MPG: variants seen among roughly 807,000 people sequenced by gnomAD.
MPG encodes the protein N-methylpurine DNA glycosylase.
MPG carries 33 observed loss-of-function variants against 31.7 expected under a neutral mutation model. The observed-to-expected ratio is 1.04, with a 90% confidence interval of 0.79 to 1.39. The LOEUF is 1.39. MPG is among the 40% of genes most tolerant of loss of function. The probability of loss-of-function intolerance (pLI) is 0.00; values close to 1 mark genes in which losing one functional copy is unlikely to be tolerated. For missense variants in MPG, 455 were observed against 415.5 expected, an observed-to-expected ratio of 1.10 and a Z score of -0.83; for synonymous variants, 202 against 169.2, an observed-to-expected ratio of 1.19 and a Z score of -1.51.
At chr16:79,031 A>G in intron 1 of MPG, 2 of 1,423,352 alleles carry the variant, frequency 1.4e-6, no homozygotes, top group Non-Finnish European at 9.2e-7. Context: ...ATGAAAGGGC[A>G]GGGCTCCAGA....
In MPG at chr16:85,569, G is replaced by A. The variant is rs1898418864; in HGVS notation, c.674G>A (p.Ser225Asn). Residue 225 changes from serine to asparagine, a missense_variant, in exon 4 of 4, where the codon AGC becomes AAC. By Grantham distance (46) the Ser-to-Asn change is conservative. Coordinates refer to ENST00000356432, the MANE Select transcript of MPG (RefSeq NM_001015052.3). ...TGCCAGGCCCTGGCCATCAACAAGA[G>A]CTTTGACCAGAGGGACCTGGCACAG... ...KLCQALAINK[S>N]FDQRDLAQDE... 4 of 1,613,246 alleles carry A rather than the reference G, an allele frequency of 2.5e-6. No individual in the cohort carries two copies. The highest frequency in any genetic ancestry group is 2.5e-6 in the Non-Finnish European group (3 of 1,179,914).
intron 1 of MPG, chr16:79,104 G>C (rs1371544289): frequency 5.5e-5 from 81 of 1,460,456 alleles, no homozygotes; most frequent in Non-Finnish European, 6.7e-5. Context: ...CACCAGCCCT[G>C]CTGTCCCAGG....
chr16:79,687 C>A lies in MPG; in HGVS notation c.287C>A (p.Ala96Glu), dbSNP rs1307996142. The change falls in exon 2 of 4, where the codon GCA (alanine) becomes GAA (glutamate). Residue 96 changes from alanine (A) to glutamate (E), a missense_variant. Transcript: ENST00000356432. ...FDQPAVPLAR[A>E]FLGQVLVRRL... ...CAGCCGGCAGTCCCCCTGGCCCGGGCATTTCTGGGACAGGTAATGTGAACA... is the reference window on the plus strand; with the variant it reads ...CAGCCGGCAGTCCCCCTGGCCCGGGAATTTCTGGGACAGGTAATGTGAACA... 1 of 1,559,976 alleles carries A rather than the reference C, an allele frequency of 6.4e-7. No individual in the cohort carries two copies. Among genetic ancestry groups the A allele is most frequent in the East Asian group, 2.4e-5 (1 of 41,684 alleles).
At position 83,935 on chromosome 16, in the gene MPG, G is replaced by A. The variant is rs532132388; in HGVS notation, c.505+679G>A. 8.5e-5 allele frequency among the ~76,000 whole-genome samples: 13 copies of A among 152,162 alleles called. No individual in the cohort carries two copies. The South Asian group carries it at 2.7e-3, about 32-fold the overall frequency. ...GGATGGAGCAGTGGGCACAGCAGGGGGACTTAGGGTCGGCGGAGGAGTCGG... is the reference window on the plus strand; with the variant it reads ...GGATGGAGCAGTGGGCACAGCAGGGAGACTTAGGGTCGGCGGAGGAGTCGG... On this transcript the variant is annotated intron_variant, in intron 3 of 3. Coordinates refer to ENST00000356432, the MANE Select transcript of MPG (RefSeq NM_001015052.3).
Position 78,240 on chromosome 16 carries a change from T to A in MPG, c.-70T>A. 7.4e-6 allele frequency: 10 copies of A among 1,349,636 alleles called. No individual in the cohort carries two copies. Among genetic ancestry groups the A allele is most frequent in the Non-Finnish European group, 9.6e-6 (10 of 1,041,554 alleles). 83.6% of individuals were successfully genotyped at this position (1,349,636 alleles called of 1,614,324 possible). ...GCTCCGCCCCGGTCCTAGGGGTGCT[T>A]CCGTGGTCGGCGGCTGCTGGGCTCC... On this transcript the variant is annotated 5_prime_UTR_variant, in exon 1 of 4. Coordinates refer to ENST00000356432, the MANE Select transcript of MPG (RefSeq NM_001015052.3).
intron 2 of MPG, 67 bp from the exon 3 acceptor site, chr16:82,985 C>T: frequency 7.1e-7 from 1 of 1,404,790 alleles, no homozygotes; most frequent in Non-Finnish European, 9.7e-7. Context: ...GAGGTCCAGG[C>T]TGGGCACTGT....
chr16:83,399 C>T (rs763548263), intron 3 of MPG, 143 bp downstream of exon 3: 3 of 853,340 alleles, frequency 3.5e-6, no homozygotes. Context: ...GTTTCGGGAG[C>T]TCTGGCTACG....
chr16:77,515 C>T (rs1319308261), upstream of MPG, among the ~76,000 whole-genome samples: 1 of 152,230 alleles, frequency 6.6e-6, no homozygotes, highest in African/African-American at 2.4e-5. Flanking sequence ...GTGTTCAGCC[C>T]TGGTCTGGCC....
intron 3 of MPG, among the ~76,000 whole-genome samples, chr16:84,873 A>G (rs1898377281): frequency 2.0e-5 from 3 of 152,180 alleles, no homozygotes; most frequent in Non-Finnish European, 4.4e-5. Flanking sequence ...AGCCCCCACC[A>G]CTTGACCAAC....
intron 1 of MPG, among the ~76,000 whole-genome samples, 160 bp downstream of exon 1, chr16:78,493 G>A (rs1411707333): frequency 1.3e-5 from 2 of 152,146 alleles, no homozygotes; most frequent in African/African-American, 2.4e-5. Context: ...CCAAGCTCGG[G>A]CCGAGAGCAG....
At chr16:77,711 A>C (rs1012534269), upstream of MPG, among the ~76,000 whole-genome samples, 2 of 152,084 alleles carry the variant, frequency 1.3e-5, no homozygotes, top group African/African-American at 4.8e-5. Flanking sequence ...GGGCCTCCGC[A>C]CAAGCCTGGC....
upstream of MPG, chr16:78,081 C>T: frequency 3.1e-6 from 1 of 322,232 alleles, no homozygotes; most frequent in South Asian, 1.3e-4. Context: ...GCCCGGGAAT[C>T]GGTCCGGACC....
Position 79,504 on chromosome 16 carries a change from C to A in MPG, c.104C>A (p.Ala35Glu). 1.2e-6 allele frequency: 2 copies of A among 1,612,748 alleles called. No individual in the cohort carries two copies. Among genetic ancestry groups the A allele is most frequent in the East Asian group, 4.5e-5 (2 of 44,872 alleles). ...CACAGCTCGTCCGACGCAGCCCAGG[C>A]ACCTGCAGAGCAGCCACACAGCTCG... is the stretch of plus-strand genomic sequence containing the variant. ...QPHSSSDAAQ[A>E]PAEQPHSSSD... The change falls in exon 2 of 4, where the codon GCA becomes GAA. Residue 35 changes from alanine (A) to glutamate (E), a missense_variant. By Grantham distance (107) the Ala-to-Glu change is moderately radical. Coordinates refer to ENST00000356432, the MANE Select transcript of MPG (RefSeq NM_001015052.3).
chr16:77,301 C>A (rs1204346321), upstream of MPG, among the ~76,000 whole-genome samples: 2 of 152,152 alleles, frequency 1.3e-5, no homozygotes, highest in Non-Finnish European at 2.9e-5. Flanking sequence ...CTGCTGGGTG[C>A]TGGGGCTGCC....
intron 2 of MPG, among the ~76,000 whole-genome samples, chr16:82,685 A>G (rs1240208704): frequency 6.6e-6 from 1 of 152,080 alleles, no homozygotes. Context: ...CTAAATGCTG[A>G]TGGTTTTCTC....
chr16:79,032 G>A, intron 1 of MPG: 11 of 1,425,038 alleles, frequency 7.7e-6, no homozygotes, highest in Non-Finnish European at 1.0e-5. Flanking sequence ...TGAAAGGGCA[G>A]GGCTCCAGAA....
intron 3 of MPG, among the ~76,000 whole-genome samples, chr16:84,971 G>C (rs1374310045): frequency 6.6e-6 from 1 of 152,260 alleles, no homozygotes; most frequent in Non-Finnish European, 1.5e-5. Context: ...GATCGCACCC[G>C]AGGACTGGCT....
chr16:78,405 G>T, intron 1 of MPG, 72 bp downstream of exon 1: 1 of 1,144,152 alleles, frequency 8.7e-7, no homozygotes, highest in South Asian at 4.3e-5. Flanking sequence ...GCGCGGCCGC[G>T]GGAGCGGGAG....
chr16:83,131 A>G lies in MPG; in HGVS notation c.380A>G (p.Asp127Gly), dbSNP rs758520796. ...ACCGAGGCATACCTGGGGCCAGAGGATGAAGCCGCCCACTCAAGGGGTGGC... is the reference window on the plus strand; with the variant it reads ...ACCGAGGCATACCTGGGGCCAGAGGGTGAAGCCGCCCACTCAAGGGGTGGC... ...VETEAYLGPE[D>G]EAAHSRGGRQ... The change falls in exon 3 of 4, where the codon GAT (aspartate) becomes GGT (glycine). Residue 127 changes from aspartate to glycine, a missense_variant. Coordinates refer to ENST00000356432, the MANE Select transcript of MPG (RefSeq NM_001015052.3). 1.5e-5 allele frequency: 25 copies of G among 1,613,186 alleles called. No individual in the cohort carries two copies. The highest frequency in any genetic ancestry group is 2.1e-5 in the Non-Finnish European group (25 of 1,179,914).
Sources: allele counts gnomAD v4.1 joint callset (sites outside exome capture counted in the v4.1 genomes callset), GRCh38; gene constraint gnomAD v4.1.1; transcripts MANE v1.5; gene names NCBI Gene and HGNC (gene_info 2026-07-23, HGNC 2026-07-21).